The following TENM3 variants were observed in gnomAD, a reference collection of about 807,000 sequenced individuals.
The protein encoded by TENM3 is teneurin-3.
In TENM3, 63 loss-of-function variants were observed where a neutral mutation model predicts 255.1. That is an observed-to-expected ratio of 0.25 (90% CI 0.20 to 0.30). The LOEUF (loss-of-function observed/expected upper bound fraction) is 0.30, where lower values mean the gene tolerates loss of function less well. Ranked by LOEUF, TENM3 falls within the 10% of genes least tolerant of loss-of-function variation. The pLI is 1.00. For missense variants in TENM3, 2,929 were observed against 3,461.1 expected, an observed-to-expected ratio of 0.85 and a Z score of 3.86; for synonymous variants, 1,306 against 1,322.3, an observed-to-expected ratio of 0.99 and a Z score of 0.27.
chr4:182,300,665 C>T lies in TENM3; in HGVS notation c.-75-23281C>T, dbSNP rs1370940933. Among the ~76,000 whole-genome samples the T allele has an allele frequency of 2.6e-5, 4 of 152,270 alleles. No homozygotes were observed. The South Asian group carries it at 6.2e-4, about 24-fold the overall frequency. The stretch of plus-strand genomic sequence containing the variant: ...CACCAAATGAGACTTGATATTTTAC[C>T]TTTTCAGCTGTAGAATTCTCTAGCT... On this transcript the variant is annotated intron_variant, in intron 1 of 27. Coordinates refer to ENST00000511685, the MANE Select transcript of TENM3 (RefSeq NM_001080477.4).
intron 3 of TENM3, among the ~76,000 whole-genome samples, chr4:182,395,399 T>C (rs1768739303): frequency 6.6e-6 from 1 of 152,136 alleles, no homozygotes; most frequent in East Asian, 1.9e-4. Context: ...AATAGAGGAT[T>C]AAAAAATAAA....
chr4:181,979,307 A>G, the TENM3 span, among the ~76,000 whole-genome samples: 1 of 151,256 alleles, frequency 6.6e-6, no homozygotes, highest in Non-Finnish European at 1.5e-5. Flanking sequence ...TAGTATCTGT[A>G]AATTCCCATG....
chr4:181,780,354 T>C, the TENM3 span, among the ~76,000 whole-genome samples: 1 of 152,188 alleles, frequency 6.6e-6, no homozygotes, highest in African/African-American at 2.4e-5. Flanking sequence ...TGGTATCTCA[T>C]TGTGGTTTTG....
chr4:181,576,151 AC>A, the TENM3 span, among the ~76,000 whole-genome samples: 2 of 152,142 alleles, frequency 1.3e-5, no homozygotes, highest in Non-Finnish European at 2.9e-5. Context: ...TCCACATGCT[AC>A]GGCCATATGT....
the TENM3 span, among the ~76,000 whole-genome samples, chr4:181,508,529 T>A: frequency 1.3e-5 from 2 of 152,222 alleles, no homozygotes; most frequent in African/African-American, 4.8e-5. Context: ...TATTTAACTT[T>A]TTAGTTGTTT....
At chr4:182,152,006 TAGTG>T (rs921250480) in intron 1 of TENM3, among the ~76,000 whole-genome samples, 15 of 152,140 alleles carry the variant, frequency 9.9e-5, no homozygotes, top group South Asian at 2.1e-4. Flanking sequence ...GTATCAGTAA[TAGTG>T]AGAACAAGTT....
chr4:181,949,900 C>T, the TENM3 span, among the ~76,000 whole-genome samples: 1 of 152,176 alleles, frequency 6.6e-6, no homozygotes, highest in Non-Finnish European at 1.5e-5. Flanking sequence ...CTCAAATTCA[C>T]TTCCTCCAGG....
the TENM3 span, among the ~76,000 whole-genome samples, chr4:181,866,363 G>C: frequency 1.3e-5 from 2 of 152,264 alleles, no homozygotes; most frequent in African/African-American, 4.8e-5. Context: ...CAAACCAACT[G>C]CTCCTCCACG....
chr4:182,559,645 G>A (rs767831774), intron 3 of TENM3, among the ~76,000 whole-genome samples: 30 of 151,902 alleles, frequency 2.0e-4, no homozygotes, highest in African/African-American at 4.8e-4. Flanking sequence ...AATGCCCAGC[G>A]TTTGTTGTAT....
At chr4:181,485,769 A>C in the TENM3 span, among the ~76,000 whole-genome samples, 5 of 152,188 alleles carry the variant, frequency 3.3e-5, no homozygotes, top group African/African-American at 1.2e-4. Context: ...TCAACAGGGA[A>C]TTAGTTTAAA....
the TENM3 span, among the ~76,000 whole-genome samples, chr4:181,922,473 G>A: frequency 7.2e-5 from 11 of 152,162 alleles, no homozygotes; most frequent in East Asian, 1.9e-3. Flanking sequence ...GAGGGTGTAT[G>A]TGTTGAGGAA....
the TENM3 span, among the ~76,000 whole-genome samples, chr4:181,710,307 C>T: frequency 6.6e-6 from 1 of 152,086 alleles, no homozygotes; most frequent in Admixed American, 6.5e-5. Flanking sequence ...AGTCAGGTTG[C>T]ATTTCAAAGG....
intron 1 of TENM3, among the ~76,000 whole-genome samples, chr4:182,264,839 G>C (rs1759134034): frequency 6.6e-6 from 1 of 152,096 alleles, no homozygotes; most frequent in African/African-American, 2.4e-5. Flanking sequence ...TTAAAAGTCA[G>C]CTTAATTAGA....
At chr4:181,453,454 T>C in the TENM3 span, among the ~76,000 whole-genome samples, 1 of 152,076 alleles carries the variant, frequency 6.6e-6, no homozygotes, top group Non-Finnish European at 1.5e-5. Context: ...AGAATGTGGA[T>C]ATGAAGACAT....
At chr4:182,550,206 T>A (rs1422207002) in intron 3 of TENM3, among the ~76,000 whole-genome samples, 2 of 152,224 alleles carry the variant, frequency 1.3e-5, no homozygotes, top group East Asian at 3.8e-4. Flanking sequence ...ATTCCTAAAA[T>A]AGCTCTTGTA....
chr4:181,735,173 AT>A, the TENM3 span, among the ~76,000 whole-genome samples: 1 of 152,010 alleles, frequency 6.6e-6, no homozygotes, highest in Non-Finnish European at 1.5e-5. Context: ...ACTAACTGCC[AT>A]TTTTTTATTA....
chr4:181,570,945 C>G, the TENM3 span, among the ~76,000 whole-genome samples: 1 of 152,208 alleles, frequency 6.6e-6, no homozygotes, highest in Non-Finnish European at 1.5e-5. Context: ...AAGTGTCTTA[C>G]TGTTCAGTGT....
chr4:181,728,889 A>T, the TENM3 span, among the ~76,000 whole-genome samples: 1 of 151,956 alleles, frequency 6.6e-6, no homozygotes, highest in East Asian at 1.9e-4. Context: ...GATGAGTGTG[A>T]AATTTTTTTT....
At chr4:182,773,700 G>A in intron 23 of TENM3, 53 bp downstream of exon 23, 1 of 1,519,908 alleles carries the variant, frequency 6.6e-7, no homozygotes, top group South Asian at 1.3e-5. Flanking sequence ...CAGACAGAAT[G>A]CGGCAACACC....
Sources: gnomAD v4.1 joint callset for allele counts (sites outside exome capture counted in the v4.1 genomes callset) on GRCh38, gnomAD v4.1.1 for gene constraint, MANE v1.5 for transcripts, NCBI Gene and HGNC (gene_info 2026-07-23, HGNC 2026-07-21) for gene names.